Variants in RAB11FIP3 observed in about 807,000 individuals in gnomAD.
RAB11FIP3 encodes the protein RAB11 family interacting protein 3.
In RAB11FIP3, 17 loss-of-function variants were observed where a neutral mutation model predicts 77.8. That is an observed-to-expected ratio of 0.22 (90% CI 0.15 to 0.33). The LOEUF is 0.33. RAB11FIP3 is among the 10% of genes least tolerant of loss of function. The pLI is 1.00. For missense variants in RAB11FIP3, 1,005 were observed against 1,011.2 expected (o/e 0.99, Z 0.08); for synonymous variants, 437 against 448.2 (o/e 0.98, Z 0.31).
At chr16:457,413 TG>T (rs2055521486) in intron 1 of RAB11FIP3, among the ~76,000 whole-genome samples, 1 of 152,178 alleles carries the variant, frequency 6.6e-6, no homozygotes. Context: ...CGGTGCTGGC[TG>T]GCTTTGGCCA....
At chr16:485,160 C>T (rs73496214) in intron 4 of RAB11FIP3, among the ~76,000 whole-genome samples, 4,533 of 152,160 alleles carry the variant, frequency 0.03, 238 homozygotes, top group African/African-American at 0.1. Context: ...CTGCTCAGCC[C>T]GGCTGTTGTG....
chr16:506,944 C>T lies in RAB11FIP3; in HGVS notation c.1499+1317C>T, dbSNP rs1026865717. Among the ~76,000 whole-genome samples the T allele has an allele frequency of 5.3e-5, 8 of 152,052 alleles. No individual in the cohort carries two copies. Among genetic ancestry groups the T allele is most frequent in the East Asian group, 3.9e-4 (2 of 5,174 alleles). ...TGTCTCCTCCTTGTCAAGGAGAATC[C>T]GGGGGGCTGCCAGATGCACTTGTTT... is the stretch of plus-strand genomic sequence containing the variant. On this transcript the variant is annotated intron_variant, in intron 8 of 13. Coordinates refer to ENST00000262305, the MANE Select transcript of RAB11FIP3 (RefSeq NM_014700.4). This position sits in a 1 kb window ranked among gnomAD's most constrained non-coding sequence, Gnocchi z 4.5.
intron 5 of RAB11FIP3, among the ~76,000 whole-genome samples, chr16:492,978 T>A (rs1262044561): frequency 6.6e-6 from 1 of 152,126 alleles, no homozygotes; most frequent in Admixed American, 6.6e-5. Flanking sequence ...CCAGGCGCAG[T>A]GACTCACGCC....
intron 1 of RAB11FIP3, among the ~76,000 whole-genome samples, chr16:456,945 AG>A (rs1428634027): frequency 6.6e-6 from 1 of 151,346 alleles, no homozygotes; most frequent in African/African-American, 2.4e-5. Context: ...CTGTATAGCC[AG>A]GCTTCCAGAG....
intron 1 of RAB11FIP3, among the ~76,000 whole-genome samples, chr16:428,630 A>G (rs1337988984): frequency 1.3e-5 from 2 of 152,128 alleles, no homozygotes; most frequent in Admixed American, 1.3e-4. Context: ...GAAAGGTCAG[A>G]TAGCTCTCCC....
In RAB11FIP3 at chr16:425,739, C is replaced by T. The variant is rs2054926918; in HGVS notation, c.-268C>T. Reference sequence around the variant, plus strand: ...CCCCGGCCTCCTCGGCCCCCGTCCCCCGCCATCCGCCGCCCGGATCCTCGC... The same window carrying T: ...CCCCGGCCTCCTCGGCCCCCGTCCCTCGCCATCCGCCGCCCGGATCCTCGC... On this transcript the variant is annotated 5_prime_UTR_variant, in exon 1 of 14. Coordinates refer to ENST00000262305, the MANE Select transcript of RAB11FIP3 (RefSeq NM_014700.4). 7 of 330,336 alleles carry T rather than the reference C, an allele frequency of 2.1e-5. No individual in the cohort carries two copies. In the East Asian group the frequency reaches 3.2e-4, roughly 15 times the overall value. The allele number at this position is 330,336 out of a possible 1,614,324, so 20.5% of individuals were successfully genotyped here. A position where few individuals can be genotyped will look rare whatever the true frequency, so the allele number is the denominator to read the frequency against.
At chr16:446,964 G>A (rs552013562) in intron 1 of RAB11FIP3, among the ~76,000 whole-genome samples, 24 of 150,668 alleles carry the variant, frequency 1.6e-4, no homozygotes, top group African/African-American at 4.4e-4. Flanking sequence ...CTCCCAAAGT[G>A]CTGGGATTAC....
chr16:480,080 A>G (rs2056004131), intron 3 of RAB11FIP3, among the ~76,000 whole-genome samples: 1 of 152,086 alleles, frequency 6.6e-6, no homozygotes, highest in Non-Finnish European at 1.5e-5. Flanking sequence ...TGAGGTTAGG[A>G]GTTCGAGACT....
chr16:432,651 G>A, intron 1 of RAB11FIP3, among the ~76,000 whole-genome samples: 1 of 148,066 alleles, frequency 6.8e-6, no homozygotes. Context: ...CCAGGCTGGA[G>A]TTCAGTGGTA....
At chr16:485,793 T>G (rs2056142743) in intron 4 of RAB11FIP3, among the ~76,000 whole-genome samples, 1 of 152,278 alleles carries the variant, frequency 6.6e-6, no homozygotes, top group Non-Finnish European at 1.5e-5. Context: ...TCCCACTTGA[T>G]AAATCTTTGC....
intron 1 of RAB11FIP3, chr16:453,542 C>T (rs547564648): frequency 6.6e-6 from 1 of 151,600 alleles, no homozygotes; most frequent in Admixed American, 6.6e-5. Context: ...TTCCCCGGTT[C>T]CTCATCATGG....
chr16:503,040 C>T lies in RAB11FIP3; in HGVS notation c.1338C>T (p.Ala446=). Residue 446 remains alanine, a synonymous_variant, in exon 7 of 14, where the codon GCC becomes GCT. Coordinates refer to ENST00000262305, the MANE Select transcript of RAB11FIP3 (RefSeq NM_014700.4). The part of the protein sequence containing the change: ...LHQSGALTME[A]LEDPSPELME... ...AGTCAGGGGCCCTGACCATGGAGGCCCTGGAGGACCCTTCCCCCGAGCTCA... is the reference window on the plus strand; with the variant it reads ...AGTCAGGGGCCCTGACCATGGAGGCTCTGGAGGACCCTTCCCCCGAGCTCA... 2 of 1,613,198 alleles carry T rather than the reference C, an allele frequency of 1.2e-6. No individual in the cohort carries two copies. The highest frequency in any genetic ancestry group is 1.7e-6 in the Non-Finnish European group (2 of 1,179,714).
At chr16:437,567 T>C (rs1191627316) in intron 1 of RAB11FIP3, among the ~76,000 whole-genome samples, 1 of 87,096 alleles carries the variant, frequency 1.1e-5, no homozygotes, top group Non-Finnish European at 2.2e-5. Flanking sequence ...TGAAACTCCA[T>C]CTCAAAAAAA....
chr16:461,387 T>C lies in RAB11FIP3; in HGVS notation c.715-17T>C. The C allele has an allele frequency of 1.2e-6, 2 of 1,609,418 alleles. No homozygotes were observed. Among genetic ancestry groups the C allele is most frequent in the East Asian group, 2.2e-5 (1 of 44,678 alleles). ...TGTAAAGGCTTAGGGTAACCTAGTCTCATTTGGCAATTACAGGTGAAGGAC... is the reference window on the plus strand; with the variant it reads ...TGTAAAGGCTTAGGGTAACCTAGTCCCATTTGGCAATTACAGGTGAAGGAC... On this transcript the variant is annotated splice_polypyrimidine_tract_variant and intron_variant, in intron 1 of 13. Coordinates refer to ENST00000262305, the MANE Select transcript of RAB11FIP3 (RefSeq NM_014700.4). This position sits in a 1 kb window ranked among gnomAD's most constrained non-coding sequence, Gnocchi z 4.5.
At position 522,992 on chromosome 16, in the gene RAB11FIP3, AAAAT is replaced by A. The variant is rs761185115; in HGVS notation, c.*2157_*2160del. ...CAACATAGCAAGGCCCCATCTCTAA[AAAAT>A]AAAAAATTAACCAGGCATTGTGGTG... is the stretch of plus-strand genomic sequence containing the variant. On this transcript the variant is annotated 3_prime_UTR_variant, in exon 14 of 14. Transcript: ENST00000262305. 1.3e-5 allele frequency: 2 copies of A among 152,326 alleles called. No individual in the cohort carries two copies. The highest frequency in any genetic ancestry group is 2.9e-5 in the Non-Finnish European group (2 of 68,142). 9.4% of individuals were successfully genotyped at this position (152,326 alleles called of 1,614,324 possible). A position where few individuals can be genotyped will look rare whatever the true frequency, so the allele number is the denominator to read the frequency against.
chr16:492,875 G>A (rs1392241786), intron 5 of RAB11FIP3, among the ~76,000 whole-genome samples: 1 of 152,174 alleles, frequency 6.6e-6, no homozygotes, highest in African/African-American at 2.4e-5. Flanking sequence ...GGGCAGAGAA[G>A]GGACTAGGAT....
At chr16:517,321 C>G (rs2032461025) in intron 9 of RAB11FIP3, among the ~76,000 whole-genome samples, 1 of 152,150 alleles carries the variant, frequency 6.6e-6, no homozygotes, top group Admixed American at 6.5e-5. Flanking sequence ...GTAATCCCAG[C>G]TCTTTGGGAG....
chr16:488,400 A>T (rs954685198), intron 4 of RAB11FIP3, among the ~76,000 whole-genome samples: 2 of 146,456 alleles, frequency 1.4e-5, no homozygotes, highest in African/African-American at 4.9e-5. Context: ...GTAAAGAAAC[A>T]GATTTATTTA....
At chr16:493,676 G>T (rs894783230) in intron 5 of RAB11FIP3, among the ~76,000 whole-genome samples, 1 of 151,932 alleles carries the variant, frequency 6.6e-6, no homozygotes, top group African/African-American at 2.4e-5. Context: ...GTGCGATCTC[G>T]GCTCACTGCA....
Sources: gnomAD v4.1 joint callset for allele counts (sites outside exome capture counted in the v4.1 genomes callset) on GRCh38, gnomAD v4.1.1 for gene constraint, Gnocchi (gnomAD v3.1) non-coding constraint, MANE v1.5 for transcripts, NCBI Gene and HGNC (gene_info 2026-07-23, HGNC 2026-07-21) for gene names.